The following ASRGL1 variants were observed in gnomAD, a reference collection of about 807,000 sequenced individuals.
ASRGL1 encodes asparaginase and isoaspartyl peptidase 1, also known as isoaspartyl peptidase/L-asparaginase.
A neutral mutation model predicts 22.4 loss-of-function variants in ASRGL1; 16 were observed. The observed-to-expected ratio is 0.71, with a 90% CI of 0.48 to 1.08. The LOEUF (loss-of-function observed/expected upper bound fraction) is 1.08, where lower values mean the gene tolerates loss of function less well. Among genes scored for constraint, ASRGL1 ranks in the 50% least tolerant of loss-of-function variants. The pLI, the probability that ASRGL1 is intolerant of heterozygous loss-of-function variation, is 0.00. For synonymous variants in ASRGL1, 165 were observed against 159.3 expected (o/e 1.04, Z -0.27); for missense variants, 412 against 410.1 (o/e 1.00, Z -0.04).
chr11:62,368,715 AG>A (rs1294160913), intron 4 of ASRGL1, among the ~76,000 whole-genome samples: 1 of 152,108 alleles, frequency 6.6e-6, no homozygotes, highest in Non-Finnish European at 1.5e-5. Flanking sequence ...GCAGGACAAT[AG>A]GGTAATAGTG....
At chr11:62,374,633 C>A (rs966117788) in intron 4 of ASRGL1, among the ~76,000 whole-genome samples, 1 of 152,082 alleles carries the variant, frequency 6.6e-6, no homozygotes. Flanking sequence ...ATTTTCCACC[C>A]CAGTCGCTCC....
intron 4 of ASRGL1, chr11:62,372,030 A>G (rs1946785109): frequency 9.4e-6 from 7 of 741,778 alleles, no homozygotes; most frequent in South Asian, 7.1e-5. Context: ...TGGGGACCCC[A>G]TAGGTATGGG....
intron 2 of ASRGL1, among the ~76,000 whole-genome samples, chr11:62,355,922 G>A (rs1354371260): frequency 6.6e-6 from 1 of 152,166 alleles, no homozygotes; most frequent in East Asian, 1.9e-4. Context: ...ATGTTTCAGA[G>A]AGCACAGGGT....
chr11:62,364,898 G>C (rs371020837), intron 4 of ASRGL1, among the ~76,000 whole-genome samples: 3 of 150,224 alleles, frequency 2.0e-5, no homozygotes, highest in Admixed American at 2.0e-4. Flanking sequence ...GCGAAACCCC[G>C]TATCTACTAA....
chr11:62,354,645 G>A (rs371575875), intron 2 of ASRGL1, among the ~76,000 whole-genome samples: 3 of 152,160 alleles, frequency 2.0e-5, no homozygotes, highest in Non-Finnish European at 2.9e-5. Context: ...CCTATACAGT[G>A]TGGATATGCT....
At chr11:62,357,407 A>G (rs1041342719) in intron 4 of ASRGL1, among the ~76,000 whole-genome samples, 5 of 129,466 alleles carry the variant, frequency 3.9e-5, no homozygotes, top group African/African-American at 1.5e-4. Flanking sequence ...ACACCACTGC[A>G]CCCGGCTCAT....
At chr11:62,371,897 T>C (rs1425848438) in intron 4 of ASRGL1, 5 of 536,846 alleles carry the variant, frequency 9.3e-6, no homozygotes, top group South Asian at 6.3e-5. Flanking sequence ...GAGCTTGCAG[T>C]GGGCCGAGAT....
chr11:62,362,693 T>TTATATATAA, intron 4 of ASRGL1, among the ~76,000 whole-genome samples: 1 of 80,004 alleles, frequency 1.2e-5, no homozygotes, highest in South Asian at 3.0e-4. Context: ...AAAATATATA[T>TTATATATAA]TATATATTAT....
intron 5 of ASRGL1, 143 bp from the exon 6 acceptor site, chr11:62,391,379 C>T: frequency 7.9e-7 from 1 of 1,259,040 alleles, no homozygotes; most frequent in Non-Finnish European, 1.1e-6. Context: ...CCACCTTTGC[C>T]TCCGCAGATC....
At chr11:62,367,672 A>G (rs1451704529) in intron 4 of ASRGL1, among the ~76,000 whole-genome samples, 1 of 151,710 alleles carries the variant, frequency 6.6e-6, no homozygotes, top group Non-Finnish European at 1.5e-5. Flanking sequence ...GGCCAGGTGC[A>G]GTGGCTCACA....
chr11:62,369,358 A>T (rs961992212), intron 4 of ASRGL1, among the ~76,000 whole-genome samples: 1 of 152,174 alleles, frequency 6.6e-6, no homozygotes. Context: ...CTCAAGGCAG[A>T]AGAATATTTC....
chr11:62,400,022 G>T, the ASRGL1 span, among the ~76,000 whole-genome samples: 1 of 152,132 alleles, frequency 6.6e-6, no homozygotes, highest in African/African-American at 2.4e-5. Context: ...TCCCAGAAGC[G>T]CTATCCCACC....
intron 2 of ASRGL1, among the ~76,000 whole-genome samples, chr11:62,341,027 G>T (rs1945849501): frequency 6.6e-6 from 1 of 152,094 alleles, no homozygotes. Context: ...ACACTGTAAA[G>T]ACTGAACTTT....
rs112720859 is a variant in ASRGL1 at position 62,348,970 on chromosome 11, G to GT, written c.191-7346dup. 6.7e-3 allele frequency among the ~76,000 whole-genome samples: 550 copies of GT among 82,144 alleles called. 5 individuals are homozygous for GT. Among genetic ancestry groups the GT allele is most frequent in the African/African-American group, 0.02 (476 of 23,962 alleles). 53.9% of individuals were successfully genotyped at this position (82,144 alleles called of 152,430 possible). ...TGATGAACTTTTTTGGTTTTTTGTG[G>GT]TTTTTTTTTGTTTTTTGAGATGGAG... On this transcript the variant is annotated intron_variant, in intron 2 of 6. Transcript: ENST00000415229.
chr11:62,368,184 ATTG>A (rs1276550640), intron 4 of ASRGL1, among the ~76,000 whole-genome samples: 7 of 152,110 alleles, frequency 4.6e-5, no homozygotes, highest in African/African-American at 9.7e-5. Flanking sequence ...TTATTTTATT[ATTG>A]TTAATCTCTT....
chr11:62,399,744 T>A, the ASRGL1 span, among the ~76,000 whole-genome samples: 1 of 152,126 alleles, frequency 6.6e-6, no homozygotes, highest in African/African-American at 2.4e-5. Flanking sequence ...TGGGGTACAG[T>A]TGGCCCCTGG....
chr11:62,356,117 G>A (rs1468337007), intron 2 of ASRGL1, among the ~76,000 whole-genome samples: 2 of 151,990 alleles, frequency 1.3e-5, no homozygotes, highest in South Asian at 2.1e-4. Context: ...ATCATGGCCC[G>A]TTCTCAATGA....
At chr11:62,365,549 G>C (rs190736983) in intron 4 of ASRGL1, among the ~76,000 whole-genome samples, 96 of 151,782 alleles carry the variant, frequency 6.3e-4, no homozygotes, top group African/African-American at 2.3e-3. Flanking sequence ...GCAAGACTCC[G>C]TCTCAAAAAC....
intron 4 of ASRGL1, among the ~76,000 whole-genome samples, chr11:62,373,670 C>T (rs1398792511): frequency 1.3e-5 from 2 of 152,242 alleles, no homozygotes; most frequent in African/African-American, 2.4e-5. Context: ...CGGAAGCATC[C>T]GGGTCACTCC....
Sources: allele counts gnomAD v4.1 joint callset (sites outside exome capture counted in the v4.1 genomes callset), GRCh38; gene constraint gnomAD v4.1.1; transcripts MANE v1.5; gene names NCBI Gene and HGNC (gene_info 2026-07-23, HGNC 2026-07-21).